The following R3HCC1L variants were observed in gnomAD, a reference collection of about 807,000 sequenced individuals.
The protein encoded by R3HCC1L is R3H domain and coiled-coil containing 1 like, also known as coiled-coil domain-containing protein R3HCC1L.
In R3HCC1L, 51 loss-of-function variants were observed where a neutral mutation model predicts 59.9. The observed-to-expected ratio is 0.85, with a 90% CI of 0.68 to 1.07. The LOEUF is 1.07. Among genes scored for constraint, R3HCC1L ranks in the 50% least tolerant of loss-of-function variants. The probability of loss-of-function intolerance (pLI) is 0.00; values close to 1 mark genes in which losing one functional copy is unlikely to be tolerated. For missense variants in R3HCC1L, 965 were observed against 933.0 expected (o/e 1.03, Z -0.45); for synonymous variants, 322 against 315.2 (o/e 1.02, Z -0.23).
intron 1 of R3HCC1L, among the ~76,000 whole-genome samples, chr10:98,150,178 A>G (rs916047679): frequency 2.0e-5 from 3 of 151,992 alleles, no homozygotes; most frequent in Admixed American, 2.0e-4. Flanking sequence ...AAATTTCTCC[A>G]ATCTGTTTCT....
chr10:98,136,461 C>G (rs12762101), intron 1 of R3HCC1L, among the ~76,000 whole-genome samples: 21,628 of 152,136 alleles, frequency 0.14, 1,757 homozygotes, highest in East Asian at 0.37. Context: ...GGACCCCAAT[C>G]TAAACATGAA....
At chr10:98,196,401 C>T (rs751343248) in intron 4 of R3HCC1L, among the ~76,000 whole-genome samples, 33 of 152,074 alleles carry the variant, frequency 2.2e-4, no homozygotes, top group Non-Finnish European at 3.8e-4. Flanking sequence ...ATTCTCAGTT[C>T]GTCCTACTTG....
chr10:98,177,529 C>T (rs926444623), intron 4 of R3HCC1L, among the ~76,000 whole-genome samples: 1 of 152,146 alleles, frequency 6.6e-6, no homozygotes, highest in Non-Finnish European at 1.5e-5. Context: ...GATTTATAAT[C>T]CTTTGGGTAT....
intron 1 of R3HCC1L, among the ~76,000 whole-genome samples, chr10:98,146,808 T>C (rs1845698640): frequency 6.6e-6 from 1 of 152,240 alleles, no homozygotes; most frequent in African/African-American, 2.4e-5. Flanking sequence ...TATCTATTGA[T>C]GGACACTTAG....
chr10:98,210,915 C>G (rs1399403309), intron 5 of R3HCC1L, among the ~76,000 whole-genome samples: 1 of 152,124 alleles, frequency 6.6e-6, no homozygotes, highest in Non-Finnish European at 1.5e-5. Flanking sequence ...TGTAAAAGAG[C>G]CACATAATAC....
chr10:98,235,406 C>A lies in R3HCC1L; in HGVS notation c.2033-19C>A, dbSNP rs752459497. 5 of 1,603,802 alleles carry A rather than the reference C, an allele frequency of 3.1e-6. No homozygotes were observed. The highest frequency in any genetic ancestry group is 1.1e-5 in the South Asian group (1 of 90,742). On this transcript the variant is annotated intron_variant, in intron 7 of 9. Transcript: ENST00000298999. ...CACTCTACTTCATGTCTTCTGCTTC[C>A]TTTTATTCCTCTTTGCAGCTCGTGA... is the stretch of plus-strand genomic sequence containing the variant.
chr10:98,177,190 C>G (rs1849111869), intron 4 of R3HCC1L, among the ~76,000 whole-genome samples: 1 of 152,034 alleles, frequency 6.6e-6, no homozygotes, highest in African/African-American at 2.4e-5. Context: ...ATCACCCCAC[C>G]CCACAACAGG....
At chr10:98,186,018 A>G (rs763655189) in intron 4 of R3HCC1L, among the ~76,000 whole-genome samples, 6 of 152,202 alleles carry the variant, frequency 3.9e-5, no homozygotes, top group Non-Finnish European at 7.4e-5. Flanking sequence ...GGTTGAATAC[A>G]GAGAGTGAGG....
chr10:98,156,212 T>A (rs1846863773), intron 2 of R3HCC1L, 65 bp downstream of exon 2: 2 of 152,200 alleles, frequency 1.3e-5, no homozygotes. Flanking sequence ...CCGAATATCG[T>A]TAGAACTCAT....
intron 1 of R3HCC1L, among the ~76,000 whole-genome samples, chr10:98,153,800 C>T (rs554200765): frequency 3.6e-4 from 42 of 116,316 alleles, no homozygotes; most frequent in South Asian, 1.0e-3. Context: ...AACTGTTTTA[C>T]ATCAAAAAAA....
At chr10:98,193,861 GCA>G (rs1409721463) in intron 4 of R3HCC1L, among the ~76,000 whole-genome samples, 3 of 152,096 alleles carry the variant, frequency 2.0e-5, no homozygotes, top group Non-Finnish European at 4.4e-5. Context: ...AAATATTGAT[GCA>G]ATACTGTTGT....
chr10:98,236,315 C>A, intron 9 of R3HCC1L, 151 bp downstream of exon 9: 2 of 996,082 alleles, frequency 2.0e-6, no homozygotes, highest in East Asian at 2.7e-5. Context: ...TGCCTTACGT[C>A]CAGGAGAAGA....
intron 4 of R3HCC1L, among the ~76,000 whole-genome samples, chr10:98,204,899 A>C (rs1479360568): frequency 6.6e-6 from 1 of 152,148 alleles, no homozygotes; most frequent in Non-Finnish European, 1.5e-5. Context: ...GGATCTTGGT[A>C]CATATCTGCC....
chr10:98,230,103 G>C (rs905338877), intron 5 of R3HCC1L, among the ~76,000 whole-genome samples: 2 of 152,194 alleles, frequency 1.3e-5, no homozygotes, highest in African/African-American at 4.8e-5. Flanking sequence ...CATAAAATGA[G>C]TTATGGAGGA....
At chr10:98,154,421 A>T in intron 1 of R3HCC1L, among the ~76,000 whole-genome samples, 1 of 152,172 alleles carries the variant, frequency 6.6e-6, no homozygotes, top group South Asian at 2.1e-4. Context: ...TGAATAAACT[A>T]TGTGTTGGGT....
chr10:98,230,864 T>C (rs576596156), intron 5 of R3HCC1L, among the ~76,000 whole-genome samples: 74 of 152,228 alleles, frequency 4.9e-4, no homozygotes, highest in Middle Eastern at 6.8e-3. Context: ...TATAGGACGG[T>C]AGAATTTTAA....
chr10:98,219,576 T>A (rs1454200149), intron 5 of R3HCC1L, among the ~76,000 whole-genome samples: 1 of 152,226 alleles, frequency 6.6e-6, no homozygotes, highest in Admixed American at 6.5e-5. Flanking sequence ...CTTCTTTCTC[T>A]CATTTGTGTC....
At chr10:98,140,698 CAG>C (rs1181036614) in intron 1 of R3HCC1L, among the ~76,000 whole-genome samples, 1 of 152,062 alleles carries the variant, frequency 6.6e-6, no homozygotes, top group Non-Finnish European at 1.5e-5. Context: ...GGAAAATAAA[CAG>C]ATATTAATAG....
intron 5 of R3HCC1L, among the ~76,000 whole-genome samples, chr10:98,217,144 A>G (rs940816645): frequency 6.6e-6 from 1 of 152,170 alleles, no homozygotes; most frequent in South Asian, 2.1e-4. Flanking sequence ...ACAGAGTTTT[A>G]TAGTTTCAGG....
Sources: gnomAD v4.1 joint callset for allele counts (sites outside exome capture counted in the v4.1 genomes callset) on GRCh38, gnomAD v4.1.1 for gene constraint, MANE v1.5 for transcripts, NCBI Gene and HGNC (gene_info 2026-07-23, HGNC 2026-07-21) for gene names.